The following FGD1 variants were observed in gnomAD, a reference collection of about 807,000 sequenced individuals.
FGD1 encodes FYVE, RhoGEF and PH domain-containing protein 1.
In FGD1, 12 loss-of-function variants were observed where a neutral mutation model predicts 65.0. The ratio of observed to expected loss-of-function variants is 0.18; its 90% CI spans 0.12 to 0.30. FGD1 has a LOEUF of 0.30. Ranked by LOEUF, FGD1 falls within the 10% of genes least tolerant of loss-of-function variation. The pLI is 1.00. For synonymous variants in FGD1, 333 were observed against 343.9 expected (o/e 0.97, Z 0.35); for missense variants, 542 against 837.6 (o/e 0.65, Z 4.36).
At position 54,467,767 on chromosome X, in the gene FGD1, G is replaced by A; in HGVS notation, c.1340+17C>T. 1 of 1,167,445 alleles carries A rather than the reference G, an allele frequency of 8.6e-7. No homozygotes were observed. Among genetic ancestry groups the A allele is most frequent in the Non-Finnish European group, 1.1e-6 (1 of 872,448 alleles). ...GGTGGACAGGGGAGTGGGCAGTCTAGGTCTAGGGCCCCTCACCATTCCTCC... is the reference window on the plus strand; with the variant it reads ...GGTGGACAGGGGAGTGGGCAGTCTAAGTCTAGGGCCCCTCACCATTCCTCC... On this transcript the variant is annotated intron_variant, in intron 6 of 17. Transcript: ENST00000375135.
intron 1 of FGD1, among the ~76,000 whole-genome samples, chrX:54,487,778 T>C (rs1424314281): frequency 9.3e-6 from 1 of 107,889 alleles, no homozygotes; most frequent in Non-Finnish European, 1.9e-5. Context: ...GGAGAAACCA[T>C]GTCTCTACTA....
At chrX:54,470,503 C>T (rs370370356) in intron 3 of FGD1, 46 bp from the exon 4 acceptor site, 3 of 1,176,453 alleles carry the variant, frequency 2.6e-6, no homozygotes, top group Non-Finnish European at 3.4e-6. Context: ...ATGAGCTTGA[C>T]TGAGAGGCCT....
In FGD1 at chrX:54,468,893, G is replaced by A. The variant is rs965221697; in HGVS notation, c.1102-17C>T. 1.8e-6 allele frequency: 2 copies of A among 1,122,656 alleles called. No homozygotes were observed. The highest frequency in any genetic ancestry group is 1.9e-5 in the South Asian group (1 of 53,596). 92.5% of individuals were successfully genotyped at this position (1,122,656 alleles called of 1,213,427 possible). A position where few individuals can be genotyped will look rare whatever the true frequency, so the allele number is the denominator to read the frequency against. On this transcript the variant is annotated splice_polypyrimidine_tract_variant and intron_variant, in intron 4 of 17. Transcript: ENST00000375135. ...CACAGTCAACTGGAAAGGAGAAACA[G>A]TAACCCCTGATCCATCATCCTCTAT...
intron 6 of FGD1, among the ~76,000 whole-genome samples, chrX:54,466,612 T>A: frequency 8.9e-6 from 1 of 111,851 alleles, no homozygotes; most frequent in Non-Finnish European, 1.9e-5. Flanking sequence ...TGAATCCTTC[T>A]GTAATCTCCA....
At chrX:54,475,965 T>C (rs1216406545) in intron 1 of FGD1, among the ~76,000 whole-genome samples, 1 of 111,810 alleles carries the variant, frequency 8.9e-6, no homozygotes, top group Non-Finnish European at 1.9e-5. Flanking sequence ...ACCGGGAGGC[T>C]GAGGCAGGAG....
intron 8 of FGD1, among the ~76,000 whole-genome samples, chrX:54,460,117 A>AAAAT (rs946932780): frequency 1.1e-4 from 11 of 104,592 alleles, no homozygotes; most frequent in Non-Finnish European, 1.5e-4. Context: ...AAAAAATACA[A>AAAAT]AAATAAATAA....
intron 1 of FGD1, among the ~76,000 whole-genome samples, chrX:54,477,049 G>A (rs745851922): frequency 6.5e-4 from 73 of 112,361 alleles, no homozygotes; most frequent in Non-Finnish European, 1.2e-3. Context: ...AAGACCCAGA[G>A]AGAGAACCAC....
intron 11 of FGD1, 30 bp from the exon 12 acceptor site, chrX:54,455,557 G>A: frequency 8.7e-7 from 1 of 1,152,806 alleles, no homozygotes; most frequent in South Asian, 1.8e-5. Flanking sequence ...GGCATGGTGA[G>A]GCCACTGAAC....
At chrX:54,484,452 T>C (rs1923227702) in intron 1 of FGD1, among the ~76,000 whole-genome samples, 1 of 111,565 alleles carries the variant, frequency 9.0e-6, no homozygotes, top group African/African-American at 3.3e-5. Context: ...AATAAAGAAA[T>C]GCCCCCCTTG....
intron 14 of FGD1, 22 bp from the exon 15 acceptor site, chrX:54,449,290 A>C: frequency 8.3e-7 from 1 of 1,209,691 alleles, no homozygotes; most frequent in Non-Finnish European, 1.1e-6. Flanking sequence ...GCCAGGTCTC[A>C]GGTCAGAGAC....
At chrX:54,492,821 A>C (rs1923442800) in intron 1 of FGD1, among the ~76,000 whole-genome samples, 1 of 109,947 alleles carries the variant, frequency 9.1e-6, no homozygotes, top group South Asian at 3.9e-4. Context: ...AGAGAAGAAA[A>C]GTCACTCACC....
Position 54,447,417 on chromosome X carries a change from C to T in FGD1, c.2474G>A (p.Cys825Tyr). Residue 825 changes from cysteine (C) to tyrosine (Y), a missense_variant, in exon 17 of 18, where the codon TGC becomes TAC. This residue lies in a region of FGD1 where 182 missense variants were observed against 311.4 expected (regional missense o/e 0.58). Coordinates refer to ENST00000375135, the MANE Select transcript of FGD1 (RefSeq NM_004463.3). ...ASVAAENSVI[C>Y]SFLHYMEKGG... ...CTTCTCCATGTAGTGCAGGAAGCTG[C>T]AGATGACGCTGTTCTCTGCAGCCAC... is the stretch of plus-strand genomic sequence containing the variant. 8.3e-7 allele frequency: 1 copy of T among 1,211,430 alleles called. No homozygotes were observed. The highest frequency in any genetic ancestry group is 1.1e-6 in the Non-Finnish European group (1 of 895,145).
chrX:54,448,255 G>C (rs1406021760), intron 16 of FGD1, among the ~76,000 whole-genome samples: 1 of 105,300 alleles, frequency 9.5e-6, no homozygotes, highest in Non-Finnish European at 1.9e-5. Flanking sequence ...GCGCGATCTT[G>C]GCTCACCGCA....
chrX:54,462,229 C>A (rs1465215912), intron 8 of FGD1, among the ~76,000 whole-genome samples: 1 of 110,909 alleles, frequency 9.0e-6, no homozygotes, highest in African/African-American at 3.3e-5. Flanking sequence ...CTTACTTATG[C>A]TGCAGATGTC....
chrX:54,447,019 C>T (rs755514121), intron 17 of FGD1, among the ~76,000 whole-genome samples: 1 of 111,461 alleles, frequency 9.0e-6, no homozygotes, highest in South Asian at 3.8e-4. Context: ...CCACTGCGCT[C>T]GGTCCCATCT....
chrX:54,489,615 A>C (rs1334624595), intron 1 of FGD1, among the ~76,000 whole-genome samples: 1 of 112,121 alleles, frequency 8.9e-6, no homozygotes, highest in African/African-American at 3.2e-5. Context: ...TCATTAGAGA[A>C]ATGCAAATCA....
rs1183214910 is a variant in FGD1, at chrX:54,479,654, G to A, written c.308-8167C>T. ...TTTCCGGGCAGAGAGGTAGGCTCCT[G>A]GGACAGCTGGAATTCCTGGGGGTGG... On this transcript the variant is annotated intron_variant, in intron 1 of 17. Transcript: ENST00000375135. 2.7e-5 allele frequency among the ~76,000 whole-genome samples: 3 copies of A among 109,516 alleles called. No homozygotes were observed. In the Admixed American group the frequency reaches 3.0e-4, roughly 11 times the overall value.
chrX:54,495,207 C>G lies in FGD1; in HGVS notation c.226G>C (p.Val76Leu). The part of the protein sequence containing the change: ...TSLGAAPGHR[V>L]LPCGPSPQHH... ...TGTGGACTGGGACCGCAGGGCAAGACCCGGTGGCCTGGAGCAGCGCCCAGG... is the reference window on the plus strand; with the variant it reads ...TGTGGACTGGGACCGCAGGGCAAGAGCCGGTGGCCTGGAGCAGCGCCCAGG... Residue 76 changes from valine to leucine, a missense_variant, in exon 1 of 18, where the codon GTC (valine) becomes CTC (leucine). Physicochemically the swap from Val to Leu is conservative, Grantham distance 32. Transcript: ENST00000375135. The G allele has an allele frequency of 1.7e-6, 2 of 1,190,170 alleles. No individual in the cohort carries two copies. Among genetic ancestry groups the G allele is most frequent in the Non-Finnish European group, 2.3e-6 (2 of 885,346 alleles).
In FGD1 at chrX:54,465,470, C is replaced by T. The variant is rs151184308; in HGVS notation, c.1617G>A (p.Pro539=). ...DYLLKLPHGS[P]DSKDAQKSLE... is the part of the protein sequence containing the mutation. Reference sequence around the variant, plus strand: ...ACTCACTTTGGGCATCCTTGCTGTCCGGGGAGCCATGGGGCAGCTTTAACA... The same window carrying T: ...ACTCACTTTGGGCATCCTTGCTGTCTGGGGAGCCATGGGGCAGCTTTAACA... Residue 539 remains proline, a synonymous_variant, in exon 8 of 18, where the codon CCG becomes CCA. Transcript: ENST00000375135. 498 of 1,206,996 alleles carry T rather than the reference C, an allele frequency of 4.1e-4. 1 individual carries two copies. The African/African-American group carries it at 6.4e-3, about 16-fold the overall frequency.
Sources: gnomAD v4.1 joint callset for allele counts (sites outside exome capture counted in the v4.1 genomes callset) on GRCh38, gnomAD v4.1.1 for gene constraint, gnomAD v4.1.1 regional missense constraint, MANE v1.5 for transcripts, NCBI Gene and HGNC (gene_info 2026-07-23, HGNC 2026-07-21) for gene names.